OAF: variants seen among roughly 807,000 people sequenced by gnomAD.
OAF encodes out at first homolog.
In OAF, 13 loss-of-function variants were observed where a neutral mutation model predicts 22.5. That is an observed-to-expected ratio of 0.58 (90% CI 0.38 to 0.92). The LOEUF (loss-of-function observed/expected upper bound fraction) is 0.92, where lower values mean the gene tolerates loss of function less well. Ranked by LOEUF, OAF falls within the 40% of genes least tolerant of loss-of-function variation. The pLI is 0.00. For missense variants in OAF, 347 were observed against 381.8 expected, an observed-to-expected ratio of 0.91 and a Z score of 0.76; for synonymous variants, 175 against 170.5, an observed-to-expected ratio of 1.03 and a Z score of -0.21.
At chr11:120,219,167 C>T (rs1276425944) in intron 1 of OAF, among the ~76,000 whole-genome samples, 2 of 151,912 alleles carry the variant, frequency 1.3e-5, no homozygotes, top group South Asian at 2.1e-4. Context: ...GGTGGGGAGC[C>T]GCCTCTGCCG....
Position 120,211,361 on chromosome 11 carries a change from G to GCGCCGGCCGAGCTGCGGGTC in OAF, c.86_105dup (p.Val36ArgfsTer15). ...GCTCGCGCCGCTGCTGGGAACGGGT[G>GCGCCGGCCGAGCTGCGGGTC]CGCCGGCCGAGCTGCGGGTCCGCGT... On this transcript the variant is annotated frameshift_variant, in exon 1 of 4. Transcript: ENST00000328965. LOFTEE classifies it high-confidence loss of function. 1.4e-6 allele frequency: 2 copies of GCGCCGGCCGAGCTGCGGGTC among 1,447,880 alleles called. No individual in the cohort carries two copies. The highest frequency in any genetic ancestry group is 1.8e-6 in the Non-Finnish European group (2 of 1,091,550). The allele number at this position is 1,447,880 out of a possible 1,614,324, so 89.7% of individuals were successfully genotyped here.
chr11:120,228,844 C>CT, intron 3 of OAF, 24 bp from the exon 4 acceptor site: 2 of 1,411,578 alleles, frequency 1.4e-6, no homozygotes, highest in Non-Finnish European at 2.0e-6. Context: ...CCCTCCCTCC[C>CT]TGATCCTTGC....
At position 120,211,285 on chromosome 11, in the gene OAF, C is replaced by G; in HGVS notation, c.6C>G (p.Arg2=). Residue 2 remains arginine (R), a synonymous_variant, in exon 1 of 4, where the codon CGC becomes CGG. Transcript: ENST00000328965. M[R]LPGVPLARPA... is the part of the protein sequence containing the mutation. The stretch of plus-strand genomic sequence containing the variant: ...GACGGCAGCGGCCCCCGGGGATGCG[C>G]CTTCCCGGGGTACCCCTGGCGCGCC... 1 of 1,247,072 alleles carries G rather than the reference C, an allele frequency of 8.0e-7. No homozygotes were observed. Among genetic ancestry groups the G allele is most frequent in the Non-Finnish European group, 1.0e-6 (1 of 995,774 alleles). The allele number at this position is 1,247,072 out of a possible 1,614,324, so 77.3% of individuals were successfully genotyped here. A position where few individuals can be genotyped will look rare whatever the true frequency, so the allele number is the denominator to read the frequency against.
intron 2 of OAF, among the ~76,000 whole-genome samples, chr11:120,226,106 C>T (rs1395023656): frequency 6.6e-6 from 1 of 152,210 alleles, no homozygotes; most frequent in Non-Finnish European, 1.5e-5. Context: ...CCCCAACTCT[C>T]AGATTTCTCC....
chr11:120,219,037 G>A (rs937042764), intron 1 of OAF, among the ~76,000 whole-genome samples: 10 of 151,766 alleles, frequency 6.6e-5, no homozygotes, highest in African/African-American at 1.2e-4. Flanking sequence ...GGGAGGAGGC[G>A]TGTGAGGAGA....
chr11:120,228,837 T>A, intron 3 of OAF, 31 bp from the exon 4 acceptor site: 3 of 262,134 alleles, frequency 1.1e-5, no homozygotes, highest in Non-Finnish European at 2.3e-5. Context: ...CCTCCCTCCC[T>A]CCCTCCCTGA....
intron 3 of OAF, 135 bp from the exon 4 acceptor site, chr11:120,228,733 T>A: frequency 1.5e-6 from 1 of 672,794 alleles, no homozygotes; most frequent in Non-Finnish European, 2.5e-6. Flanking sequence ...CATGGCAAGC[T>A]TGGAAATGGA....
chr11:120,224,908 G>A (rs114950727), intron 1 of OAF, among the ~76,000 whole-genome samples: 2,268 of 152,282 alleles, frequency 0.015, 57 homozygotes, highest in African/African-American at 0.052. Context: ...ATAGGGAAGG[G>A]GGCCCCAGCC....
chr11:120,211,329 TGCCGCTGCTCGC>T lies in OAF; in HGVS notation c.60_71del (p.Ala21_Leu24del), dbSNP rs916465186. 11 of 1,393,722 alleles carry T rather than the reference TGCCGCTGCTCGC, an allele frequency of 7.9e-6. No homozygotes were observed. The highest frequency in any genetic ancestry group is 7.5e-6 in the Non-Finnish European group (8 of 1,071,566). 86.3% of individuals were successfully genotyped at this position (1,393,722 alleles called of 1,614,324 possible). A position where few individuals can be genotyped will look rare whatever the true frequency, so the allele number is the denominator to read the frequency against. On this transcript the variant is annotated inframe_deletion, in exon 1 of 4. Transcript: ENST00000328965. ...GCGCGCCCTGCGCTGCTGCTGCTGC[TGCCGCTGCTCGC>T]GCCGCTGCTGGGAACGGGTGCGCCG...
chr11:120,211,616 C>G (rs1938149444), intron 1 of OAF, 106 bp downstream of exon 1: 1 of 775,180 alleles, frequency 1.3e-6, no homozygotes, highest in East Asian at 3.4e-5. Context: ...GAGGGAGACG[C>G]AGCTGGCCCA....
chr11:120,225,918 C>T, intron 2 of OAF, 123 bp downstream of exon 2: 1 of 791,216 alleles, frequency 1.3e-6, no homozygotes. Context: ...GCCAGCCTAG[C>T]TCTAAGCTCT....
Position 120,211,645 on chromosome 11 carries a change from C to T in OAF, c.231+135C>T. 3 of 504,608 alleles carry T rather than the reference C, an allele frequency of 5.9e-6. No individual in the cohort carries two copies. The East Asian group carries it at 1.1e-4, about 18-fold the overall frequency. The allele number at this position is 504,608 out of a possible 1,614,324, so 31.3% of individuals were successfully genotyped here. On this transcript the variant is annotated intron_variant, in intron 1 of 3. Coordinates refer to ENST00000328965, the MANE Select transcript of OAF (RefSeq NM_178507.4). ...TGGCCCAAGGTCACGCCGGGCTCTTCTCTACACCTCTTTGCCCACTCCCCA... is the reference window on the plus strand; with the variant it reads ...TGGCCCAAGGTCACGCCGGGCTCTTTTCTACACCTCTTTGCCCACTCCCCA...
intron 1 of OAF, among the ~76,000 whole-genome samples, chr11:120,224,110 T>G (rs1331479006): frequency 6.6e-6 from 1 of 152,172 alleles, no homozygotes; most frequent in African/African-American, 2.4e-5. Context: ...CACAAATCTC[T>G]GGGATCATAA....
In OAF at chr11:120,226,945, G is replaced by A. The variant is rs778184167; in HGVS notation, c.496G>A (p.Val166Met). The change falls in exon 3 of 4, where the codon GTG becomes ATG. Residue 166 changes from valine (V) to methionine (M), a missense_variant. Transcript: ENST00000328965. Reference protein sequence around the residue: ...PHLHNVCAEAVDAIYTRQEDV... With the variant: ...PHLHNVCAEAMDAIYTRQEDV... The stretch of plus-strand genomic sequence containing the variant: ...TCTCCACAACGTGTGTGCCGAGGCC[G>A]TGGATGCCATCTACACCCGCCAGGA... 1.9e-5 allele frequency: 31 copies of A among 1,609,586 alleles called. No homozygotes were observed. The highest frequency in any genetic ancestry group is 3.3e-4 in the Middle Eastern group (2 of 6,076).
At chr11:120,219,687 C>T (rs373676150) in intron 1 of OAF, among the ~76,000 whole-genome samples, 2 of 152,122 alleles carry the variant, frequency 1.3e-5, no homozygotes, top group African/African-American at 2.4e-5. Context: ...ACAAGGGCTA[C>T]GGAGGGGAGC....
chr11:120,228,825 T>TACCCAACC, intron 3 of OAF, 43 bp from the exon 4 acceptor site: 6 of 434,174 alleles, frequency 1.4e-5, no homozygotes, highest in East Asian at 5.5e-5. Flanking sequence ...GCTCCTTCCC[T>TACCCAACC]CCCTCCCTCC....
intron 1 of OAF, among the ~76,000 whole-genome samples, chr11:120,212,554 G>C (rs1337471801): frequency 6.6e-6 from 1 of 151,540 alleles, no homozygotes; most frequent in East Asian, 2.0e-4. Context: ...GGGAGTGCAG[G>C]GGTGAAGCCG....
At chr11:120,219,842 A>G (rs1028189421) in intron 1 of OAF, among the ~76,000 whole-genome samples, 4 of 152,184 alleles carry the variant, frequency 2.6e-5, no homozygotes, top group African/African-American at 9.7e-5. Flanking sequence ...AACCTTCTAG[A>G]TGCCAAAATA....
At position 120,227,005 on chromosome 11, in the gene OAF, G is replaced by T. The variant is rs377251120; in HGVS notation, c.547+9G>T. 6.3e-7 allele frequency: 1 copy of T among 1,585,404 alleles called. No individual in the cohort carries two copies. The highest frequency in any genetic ancestry group is 1.3e-5 in the African/African-American group (1 of 74,532). On this transcript the variant is annotated intron_variant, in intron 3 of 3. Coordinates refer to ENST00000328965, the MANE Select transcript of OAF (RefSeq NM_178507.4). ...GTTCTGGCTGGAGCAAGGTCAGCTG[G>T]GAGCTGGGCACTGCCCGCTGCTGGG...
Sources: gnomAD v4.1 joint callset for allele counts (sites outside exome capture counted in the v4.1 genomes callset) on GRCh38, gnomAD v4.1.1 for gene constraint, MANE v1.5 for transcripts, NCBI Gene and HGNC (gene_info 2026-07-23, HGNC 2026-07-21) for gene names.